Variants in LARGE1 observed in about 807,000 individuals in gnomAD.
The protein encoded by LARGE1 is LARGE xylosyl- and glucuronyltransferase 1, also known as xylosyl- and glucuronyltransferase LARGE1.
A neutral mutation model predicts 87.6 loss-of-function variants in LARGE1; 43 were observed. The ratio of observed to expected loss-of-function variants is 0.49; its 90% CI spans 0.38 to 0.63. The LOEUF (loss-of-function observed/expected upper bound fraction) is 0.63, where lower values mean the gene tolerates loss of function less well. Ranked by LOEUF, LARGE1 falls within the 30% of genes least tolerant of loss-of-function variation. The pLI is 0.00. For synonymous variants in LARGE1, 434 were observed against 394.6 expected (o/e 1.10, Z -1.18); for missense variants, 802 against 1,000.2 (o/e 0.80, Z 2.67).
chr22:33,067,202 C>T, the LARGE1 span, among the ~76,000 whole-genome samples: 11 of 152,122 alleles, frequency 7.2e-5, no homozygotes, highest in East Asian at 2.1e-3. Context: ...GAGGAGTAAG[C>T]ATACCATAAT....
At chr22:33,530,164 T>A (rs1331068547) in intron 6 of LARGE1, among the ~76,000 whole-genome samples, 1 of 152,214 alleles carries the variant, frequency 6.6e-6, no homozygotes, top group African/African-American at 2.4e-5. Flanking sequence ...TGCTCTTGCT[T>A]CCTGTTTGGG....
intron 2 of LARGE1, among the ~76,000 whole-genome samples, chr22:33,760,240 T>A (rs1601548575): frequency 6.6e-6 from 1 of 152,292 alleles, no homozygotes; most frequent in East Asian, 1.9e-4. Context: ...GTTCCCTCTC[T>A]CTCTGAAGCC....
chr22:33,680,818 A>C (rs1603119332), intron 2 of LARGE1, among the ~76,000 whole-genome samples: 1 of 152,196 alleles, frequency 6.6e-6, no homozygotes, highest in East Asian at 1.9e-4. Context: ...GGAAAAAAAA[A>C]AAACTGAAAA....
chr22:33,602,958 TC>T (rs1215144745), intron 5 of LARGE1, among the ~76,000 whole-genome samples: 1 of 152,178 alleles, frequency 6.6e-6, no homozygotes, highest in African/African-American at 2.4e-5. Flanking sequence ...ATGTTGCTTT[TC>T]CCCCATGGTG....
chr22:33,079,501 G>A, the LARGE1 span, among the ~76,000 whole-genome samples: 2 of 151,908 alleles, frequency 1.3e-5, no homozygotes, highest in Non-Finnish European at 2.9e-5. Flanking sequence ...TTCTGGGATT[G>A]CAGGCGTGAG....
chr22:33,649,824 G>A (rs1206279337), intron 3 of LARGE1, among the ~76,000 whole-genome samples: 2 of 152,216 alleles, frequency 1.3e-5, no homozygotes, highest in Non-Finnish European at 2.9e-5. Flanking sequence ...CATTTCCAAA[G>A]AGCTGCTAAG....
chr22:33,590,414 G>A (rs897723389), intron 5 of LARGE1, among the ~76,000 whole-genome samples: 5 of 152,094 alleles, frequency 3.3e-5, no homozygotes, highest in Admixed American at 1.3e-4. Flanking sequence ...TGCATTCTTC[G>A]AGAAAAAAAT....
chr22:33,403,504 G>A (rs1487719376), intron 7 of LARGE1, among the ~76,000 whole-genome samples: 1 of 152,148 alleles, frequency 6.6e-6, no homozygotes, highest in East Asian at 1.9e-4. Flanking sequence ...TTGGCCACGT[G>A]CTGGTTCTGC....
At chr22:33,319,076 A>G (rs560633161) in intron 10 of LARGE1, among the ~76,000 whole-genome samples, 1 of 152,126 alleles carries the variant, frequency 6.6e-6, no homozygotes, top group Non-Finnish European at 1.5e-5. Flanking sequence ...AATTGCTCCA[A>G]TTCCTTCTCT....
intron 1 of LARGE1, among the ~76,000 whole-genome samples, chr22:33,901,693 T>C (rs2146901261): frequency 6.6e-6 from 1 of 152,222 alleles, no homozygotes; most frequent in East Asian, 1.9e-4. Context: ...AATTAAAATG[T>C]TGAAATGACA....
intron 7 of LARGE1, among the ~76,000 whole-genome samples, chr22:33,388,926 A>G (rs951569342): frequency 3.3e-5 from 5 of 152,170 alleles, no homozygotes; most frequent in Admixed American, 3.3e-4. Flanking sequence ...GAGGTGTAAC[A>G]TTCATTCTTT....
chr22:33,414,733 T>C (rs2066426732), intron 7 of LARGE1, among the ~76,000 whole-genome samples: 1 of 152,120 alleles, frequency 6.6e-6, no homozygotes. Context: ...AGGATGGTAT[T>C]GGGGAGTTGG....
rs186929113 is a variant in LARGE1 at position 33,709,169 on chromosome 22, A to G, written c.106+52202T>C. ...GGGCGCAATTCAGCCAATCACAGTC[A>G]TTACCACTTTTATACCACTGAGCAA... is the stretch of plus-strand genomic sequence containing the variant. On this transcript the variant is annotated intron_variant, in intron 2 of 14. Transcript: ENST00000397394. Among the ~76,000 whole-genome samples the G allele has an allele frequency of 8.4e-4, 128 of 152,312 alleles. 1 individual carries two copies. Among genetic ancestry groups the G allele is most frequent in the Admixed American group, 2.5e-3 (39 of 15,298 alleles).
intron 11 of LARGE1, among the ~76,000 whole-genome samples, chr22:33,266,159 AAAAG>A (rs970627908): frequency 1.6e-4 from 25 of 151,722 alleles, no homozygotes; most frequent in African/African-American, 6.1e-4. Context: ...GGAAAAAAAA[AAAAG>A]AATGAAAGCA....
chr22:33,333,717 A>T (rs781629215), intron 10 of LARGE1, among the ~76,000 whole-genome samples: 4 of 152,254 alleles, frequency 2.6e-5, no homozygotes, highest in African/African-American at 4.8e-5. Flanking sequence ...AGAGGTGAAC[A>T]GTACAAAGTC....
chr22:33,665,577 G>A (rs2149246951), intron 2 of LARGE1, among the ~76,000 whole-genome samples: 1 of 152,262 alleles, frequency 6.6e-6, no homozygotes, highest in African/African-American at 2.4e-5. Flanking sequence ...TCTGAAACGG[G>A]TTTATTGTCC....
At chr22:33,291,687 T>TA (rs796078466) in intron 12 of LARGE1, among the ~76,000 whole-genome samples, 7,947 of 143,950 alleles carry the variant, frequency 0.055, 700 homozygotes, top group African/African-American at 0.19. Flanking sequence ...ACATAATGAT[T>TA]AAAAAAAAAA....
At chr22:33,267,087 A>C (rs1055253357) in intron 11 of LARGE1, among the ~76,000 whole-genome samples, 1 of 151,532 alleles carries the variant, frequency 6.6e-6, no homozygotes, top group Non-Finnish European at 1.5e-5. Context: ...TAAAAACACA[A>C]AAATTAGCCG....
intron 9 of LARGE1, among the ~76,000 whole-genome samples, chr22:33,380,833 C>T (rs538771865): frequency 1.9e-4 from 29 of 152,318 alleles, no homozygotes; most frequent in South Asian, 1.9e-3. Flanking sequence ...CTCTGTGATA[C>T]AACCTGAGAG....
Sources: gnomAD v4.1 joint callset for allele counts (sites outside exome capture counted in the v4.1 genomes callset) on GRCh38, gnomAD v4.1.1 for gene constraint, MANE v1.5 for transcripts, NCBI Gene and HGNC (gene_info 2026-07-23, HGNC 2026-07-21) for gene names.